NXN: variants seen among roughly 807,000 people sequenced by gnomAD.
NXN encodes the protein nucleoredoxin 1.
A neutral mutation model predicts 48.6 loss-of-function variants in NXN; 16 were observed. That is an observed-to-expected ratio of 0.33 (90% CI 0.22 to 0.50). The LOEUF (loss-of-function observed/expected upper bound fraction) is 0.50. NXN is among the 20% of genes least tolerant of loss of function. The pLI is 0.98. For synonymous variants in NXN, 281 were observed against 269.6 expected, an observed-to-expected ratio of 1.04 and a Z score of -0.41; for missense variants, 492 against 605.5, an observed-to-expected ratio of 0.81 and a Z score of 1.97.
intron 1 of NXN, among the ~76,000 whole-genome samples, chr17:902,631 T>TGAGGAAAA (rs1216047130): frequency 6.6e-6 from 1 of 151,770 alleles, no homozygotes; most frequent in Non-Finnish European, 1.5e-5. Flanking sequence ...GAAGGAGACG[T>TGAGGAAAA]GAGGAAAAAA....
chr17:873,472 G>T (rs183599325), intron 1 of NXN, among the ~76,000 whole-genome samples: 1 of 136,026 alleles, frequency 7.4e-6, no homozygotes. Flanking sequence ...ACTCCAACCT[G>T]GGAGACAGAG....
chr17:933,698 C>T (rs942246484), intron 1 of NXN, among the ~76,000 whole-genome samples: 2 of 152,106 alleles, frequency 1.3e-5, no homozygotes, highest in Non-Finnish European at 2.9e-5. Context: ...AATAAGAACA[C>T]ATTCAAGACA....
Position 931,470 on chromosome 17 carries a change from AG to A in NXN, c.360+47848del, listed in dbSNP as rs530243007. ...CTGTCTCAAAAAAAAAAAACAAGAAAGATAAAGTCATATAATAAGCCTATGT... is the reference window on the plus strand; with the variant it reads ...CTGTCTCAAAAAAAAAAAACAAGAAAATAAAGTCATATAATAAGCCTATGT... On this transcript the variant is annotated intron_variant, in intron 1 of 7. Transcript: ENST00000336868. 1.6e-3 allele frequency among the ~76,000 whole-genome samples: 243 copies of A among 151,358 alleles called. 1 individual carries two copies. Among genetic ancestry groups the A allele is most frequent in the African/African-American group, 5.2e-3 (213 of 41,278 alleles).
intron 1 of NXN, among the ~76,000 whole-genome samples, chr17:921,930 T>C (rs996579839): frequency 6.6e-6 from 1 of 152,194 alleles, no homozygotes; most frequent in African/African-American, 2.4e-5. Context: ...AAACTCAACA[T>C]TTCTAAAATT....
At chr17:845,103 A>C (rs1399297557) in intron 1 of NXN, among the ~76,000 whole-genome samples, 1 of 152,190 alleles carries the variant, frequency 6.6e-6, no homozygotes, top group South Asian at 2.1e-4. Context: ...ACCAGCTGCT[A>C]CAGTGAGAAG....
chr17:812,701 G>A (rs1431433996), intron 5 of NXN, among the ~76,000 whole-genome samples: 9 of 120,352 alleles, frequency 7.5e-5, no homozygotes, highest in Admixed American at 1.8e-4. Flanking sequence ...TATGAATGTA[G>A]GTGTTTGCAT....
chr17:820,988 G>A lies in NXN; in HGVS notation c.713+1369C>T, dbSNP rs1270428148. 3.0e-4 allele frequency among the ~76,000 whole-genome samples: 22 copies of A among 73,104 alleles called. 10 individuals carry two copies. The highest frequency in any genetic ancestry group is 1.4e-3 in the African/African-American group (17 of 11,948). 48.0% of individuals were successfully genotyped at this position (73,104 alleles called of 152,430 possible). A position where few individuals can be genotyped will look rare whatever the true frequency, so the allele number is the denominator to read the frequency against. ...ACCTGGCACGGCTTCACGCTGAGACGGGAGCTGTGGCATGGCAGAGACGGG... is the reference window on the plus strand; with the variant it reads ...ACCTGGCACGGCTTCACGCTGAGACAGGAGCTGTGGCATGGCAGAGACGGG... On this transcript the variant is annotated intron_variant, in intron 4 of 7. Transcript: ENST00000336868.
chr17:850,955 G>A (rs533269328), intron 1 of NXN, among the ~76,000 whole-genome samples: 4 of 152,274 alleles, frequency 2.6e-5, no homozygotes, highest in East Asian at 3.9e-4. Flanking sequence ...GGACAGAAAC[G>A]TCCCAGTGAA....
Position 977,681 on chromosome 17 carries a change from T to G in NXN, c.360+1638A>C, listed in dbSNP as rs190957081. ...GTATTGCCGGATAAGGACATTATTTTAAGTAGACTTTAGTCTACAACAGAA... is the reference window on the plus strand; with the variant it reads ...GTATTGCCGGATAAGGACATTATTTGAAGTAGACTTTAGTCTACAACAGAA... On this transcript the variant is annotated intron_variant, in intron 1 of 7. Transcript: ENST00000336868. 4.7e-4 allele frequency among the ~76,000 whole-genome samples: 71 copies of G among 152,384 alleles called. 2 individuals carry two copies. In the East Asian group the frequency reaches 0.013, roughly 29 times the overall value.
At position 908,981 on chromosome 17, in the gene NXN, C is replaced by A. The variant is rs571294356; in HGVS notation, c.360+70338G>T. Among the ~76,000 whole-genome samples, 157 of 151,906 alleles carry A rather than the reference C, an allele frequency of 1.0e-3. 1 individual carries two copies. Among genetic ancestry groups the A allele is most frequent in the Admixed American group, 2.0e-3 (31 of 15,212 alleles). On this transcript the variant is annotated intron_variant, in intron 1 of 7. Coordinates refer to ENST00000336868, the MANE Select transcript of NXN (RefSeq NM_022463.5). The stretch of plus-strand genomic sequence containing the variant: ...ATTAGCCGGGTGTGGTGGCACTTGT[C>A]TGTAGCCTCAGCTACTCGGGGGCAG...
At chr17:863,609 T>G (rs2068063964) in intron 1 of NXN, among the ~76,000 whole-genome samples, 1 of 152,158 alleles carries the variant, frequency 6.6e-6, no homozygotes, top group African/African-American at 2.4e-5. Context: ...CACAGGAGCA[T>G]GCCTCCATGC....
At chr17:811,395 A>G (rs374135515) in intron 5 of NXN, among the ~76,000 whole-genome samples, 4 of 152,192 alleles carry the variant, frequency 2.6e-5, no homozygotes, top group East Asian at 3.9e-4. Context: ...GACTCAGACA[A>G]CTGCTAACGG....
intron 1 of NXN, among the ~76,000 whole-genome samples, chr17:942,848 A>T (rs7215387): frequency 1.0e-3 from 4 of 3,926 alleles, no homozygotes; most frequent in African/African-American, 3.1e-3. Context: ...TACAGTGAAC[A>T]AGATTCCAGG....
Position 825,876 on chromosome 17 carries a change from A to G in NXN, c.478+85T>C. 1.2e-6 allele frequency: 1 copy of G among 830,660 alleles called. No homozygotes were observed. Among genetic ancestry groups the G allele is most frequent in the African/African-American group, 1.7e-5 (1 of 58,802 alleles). The allele number at this position is 830,660 out of a possible 1,614,324, so 51.5% of individuals were successfully genotyped here. A position where few individuals can be genotyped will look rare whatever the true frequency, so the allele number is the denominator to read the frequency against. On this transcript the variant is annotated intron_variant, in intron 2 of 7. Transcript: ENST00000336868. The surrounding 1 kb of genome is among the most constrained non-coding windows in gnomAD (Gnocchi z 4.1). The stretch of plus-strand genomic sequence containing the variant: ...TATCTATTTCACCAGTACTCTCTCC[A>G]CCGGTGGGACGGAGATTAGCCTAAG...
chr17:939,047 C>G (rs1252405852), intron 1 of NXN, among the ~76,000 whole-genome samples: 1 of 151,026 alleles, frequency 6.6e-6, no homozygotes, highest in Non-Finnish European at 1.5e-5. Context: ...GGTGAGACTC[C>G]CTCTCAAAAA....
At chr17:858,786 G>A (rs561420285) in intron 1 of NXN, among the ~76,000 whole-genome samples, 13 of 152,216 alleles carry the variant, frequency 8.5e-5, no homozygotes, top group East Asian at 3.9e-4. Flanking sequence ...GCTTACACAC[G>A]AAGGGTCTGA....
intron 5 of NXN, among the ~76,000 whole-genome samples, chr17:814,179 G>A (rs959099801): frequency 3.4e-5 from 4 of 118,878 alleles, no homozygotes; most frequent in African/African-American, 1.2e-4. Context: ...GGAGAACGGC[G>A]TGAACCCGGA....
chr17:958,374 C>T lies in NXN; in HGVS notation c.360+20945G>A, dbSNP rs1435649005. 3.9e-5 allele frequency among the ~76,000 whole-genome samples: 6 copies of T among 152,180 alleles called. No individual in the cohort carries two copies. Among genetic ancestry groups the T allele is most frequent in the Non-Finnish European group, 2.9e-5 (2 of 68,032 alleles). On this transcript the variant is annotated intron_variant, in intron 1 of 7. Coordinates refer to ENST00000336868, the MANE Select transcript of NXN (RefSeq NM_022463.5). This position sits in a 1 kb window ranked among gnomAD's most constrained non-coding sequence, Gnocchi z 6.9. The stretch of plus-strand genomic sequence containing the variant: ...TTCAAAAACTGGAAGCAGCAGGGCG[C>T]GGTGGCTCGCACCTGTCATCCCAGT...
At chr17:814,986 G>A (rs1300781135) in intron 5 of NXN, among the ~76,000 whole-genome samples, 2 of 152,090 alleles carry the variant, frequency 1.3e-5, no homozygotes, top group African/African-American at 4.8e-5. Flanking sequence ...GGCTGATCTC[G>A]AACTCCTGAC....
Sources: gnomAD v4.1 joint callset for allele counts (sites outside exome capture counted in the v4.1 genomes callset) on GRCh38, gnomAD v4.1.1 for gene constraint, Gnocchi (gnomAD v3.1) non-coding constraint, MANE v1.5 for transcripts, NCBI Gene and HGNC (gene_info 2026-07-23, HGNC 2026-07-21) for gene names.